TASP1: variants seen among roughly 807,000 people sequenced by gnomAD.
TASP1 encodes the protein taspase 1.
Under a neutral mutation model 56.6 loss-of-function variants are expected in TASP1, and 16 were observed. That is an observed-to-expected ratio of 0.28 (90% CI 0.19 to 0.43). TASP1 has a LOEUF of 0.43. Among genes scored for constraint, TASP1 ranks in the 20% least tolerant of loss-of-function variants. The probability of loss-of-function intolerance (pLI) is 1.00; values close to 1 mark genes in which losing one functional copy is unlikely to be tolerated. For missense variants in TASP1, 393 were observed against 511.6 expected (o/e 0.77, Z 2.24); for synonymous variants, 179 against 184.2 (o/e 0.97, Z 0.23).
the TASP1 span, among the ~76,000 whole-genome samples, chr20:13,280,944 T>C: frequency 6.6e-6 from 1 of 152,230 alleles, no homozygotes; most frequent in Admixed American, 6.5e-5. Flanking sequence ...CAGTGGACTT[T>C]GGAATGAGCA....
intron 4 of TASP1, among the ~76,000 whole-genome samples, chr20:13,590,254 G>A (rs2047473056): frequency 6.6e-6 from 1 of 151,816 alleles, no homozygotes; most frequent in Non-Finnish European, 1.5e-5. Flanking sequence ...AAAGAAAAAT[G>A]TTCAACATCT....
the TASP1 span, among the ~76,000 whole-genome samples, chr20:13,177,400 C>T: frequency 2.5e-3 from 377 of 151,982 alleles, 1 homozygote; most frequent in African/African-American, 8.8e-3. Context: ...TTCAAAGAAA[C>T]AGAAAAAAAA....
intron 10 of TASP1, among the ~76,000 whole-genome samples, chr20:13,485,887 T>C (rs2043304056): frequency 6.6e-6 from 1 of 152,198 alleles, no homozygotes; most frequent in African/African-American, 2.4e-5. Context: ...GAAGGTTATA[T>C]ACACATGCCT....
At chr20:13,183,198 T>G in the TASP1 span, among the ~76,000 whole-genome samples, 5 of 152,210 alleles carry the variant, frequency 3.3e-5, no homozygotes, top group Non-Finnish European at 7.3e-5. Context: ...GGCTGGATAA[T>G]GAGAGACCAC....
intron 1 of TASP1, among the ~76,000 whole-genome samples, chr20:13,635,935 CTG>C (rs1281589760): frequency 2.0e-5 from 3 of 152,012 alleles, no homozygotes; most frequent in Non-Finnish European, 4.4e-5. Context: ...TGTGATGACA[CTG>C]TTTTTTTTTC....
chr20:13,342,582 C>G, the TASP1 span, among the ~76,000 whole-genome samples: 1 of 152,152 alleles, frequency 6.6e-6, no homozygotes, highest in East Asian at 1.9e-4. Flanking sequence ...GGTTGCCCAG[C>G]CAGGCCAGGG....
At chr20:13,119,546 T>C in the TASP1 span, among the ~76,000 whole-genome samples, 1 of 152,248 alleles carries the variant, frequency 6.6e-6, no homozygotes, top group African/African-American at 2.4e-5. Context: ...TGTACATCTG[T>C]TCATTTTCTT....
chr20:13,240,843 A>T, the TASP1 span, among the ~76,000 whole-genome samples: 1 of 152,194 alleles, frequency 6.6e-6, no homozygotes, highest in Non-Finnish European at 1.5e-5. Context: ...CAGAGTTAAG[A>T]AGTGAAGAGT....
At chr20:13,139,445 G>A in the TASP1 span, among the ~76,000 whole-genome samples, 17,421 of 152,218 alleles carry the variant, frequency 0.11, 1,076 homozygotes, top group East Asian at 0.2. Flanking sequence ...GGGCAAGACA[G>A]TTCTCTTCCA....
At chr20:13,619,361 G>A (rs1341575179) in intron 4 of TASP1, among the ~76,000 whole-genome samples, 4 of 152,030 alleles carry the variant, frequency 2.6e-5, no homozygotes, top group South Asian at 4.1e-4. Flanking sequence ...AAAGTCTGTC[G>A]TTCATATTTC....
At chr20:13,228,578 T>C in the TASP1 span, among the ~76,000 whole-genome samples, 1 of 152,186 alleles carries the variant, frequency 6.6e-6, no homozygotes. Context: ...ATGATTTTTT[T>C]CCTTTATTTT....
chr20:13,394,354 T>C (rs2041432851), intron 13 of TASP1, among the ~76,000 whole-genome samples: 1 of 146,882 alleles, frequency 6.8e-6, no homozygotes, highest in Non-Finnish European at 1.5e-5. Context: ...CTCACGCCTG[T>C]AATCCCAGCA....
chr20:13,590,674 T>C (rs545731337), intron 4 of TASP1, among the ~76,000 whole-genome samples: 2 of 152,024 alleles, frequency 1.3e-5, no homozygotes, highest in Non-Finnish European at 2.9e-5. Flanking sequence ...GAGACCAGCC[T>C]GGCCAACATG....
At chr20:13,374,525 T>C in the TASP1 span, among the ~76,000 whole-genome samples, 3 of 152,078 alleles carry the variant, frequency 2.0e-5, no homozygotes, top group African/African-American at 7.2e-5. Context: ...ATTTTTTGTA[T>C]TTTTAGTAGA....
At chr20:13,471,934 C>T (rs1304674360) in intron 11 of TASP1, among the ~76,000 whole-genome samples, 2 of 152,132 alleles carry the variant, frequency 1.3e-5, no homozygotes, top group African/African-American at 4.8e-5. Context: ...GAAGCCATGA[C>T]AGATGCCATC....
chr20:13,485,328 G>A (rs545906072), intron 10 of TASP1, among the ~76,000 whole-genome samples: 1 of 152,204 alleles, frequency 6.6e-6, no homozygotes, highest in East Asian at 1.9e-4. Flanking sequence ...GTTGGAAATG[G>A]ATGTTTTAAG....
intron 7 of TASP1, among the ~76,000 whole-genome samples, chr20:13,568,921 T>C (rs946522042): frequency 2.0e-5 from 3 of 152,206 alleles, no homozygotes; most frequent in Admixed American, 2.0e-4. Flanking sequence ...GTACTCATTT[T>C]AATTTGAATT....
At chr20:13,519,125 T>C (rs2044641699) in intron 10 of TASP1, among the ~76,000 whole-genome samples, 5 of 152,002 alleles carry the variant, frequency 3.3e-5, no homozygotes, top group Admixed American at 2.0e-4. Flanking sequence ...CAGCTACACA[T>C]TGGGTACACA....
chr20:13,626,430 A>AAAAC (rs924196508), intron 2 of TASP1, among the ~76,000 whole-genome samples: 15 of 152,320 alleles, frequency 9.8e-5, no homozygotes, highest in African/African-American at 2.4e-4. Flanking sequence ...TTGACTCCAA[A>AAAAC]AAACAAACAA....
Sources: allele counts gnomAD v4.1 joint callset (sites outside exome capture counted in the v4.1 genomes callset), GRCh38; gene constraint gnomAD v4.1.1; transcripts MANE v1.5; gene names NCBI Gene and HGNC (gene_info 2026-07-23, HGNC 2026-07-21).